HSD17B12: variants seen among roughly 807,000 people sequenced by gnomAD.
The protein encoded by HSD17B12 is hydroxysteroid 17-beta dehydrogenase 12, also known as very-long-chain 3-oxoacyl-CoA reductase.
A neutral mutation model predicts 39.3 loss-of-function variants in HSD17B12; 32 were observed. The observed-to-expected ratio is 0.81, with a 90% confidence interval of 0.61 to 1.09. The LOEUF (loss-of-function observed/expected upper bound fraction) is 1.09, where lower values mean the gene tolerates loss of function less well. Among genes scored for constraint, HSD17B12 ranks in the 50% least tolerant of loss-of-function variants. HSD17B12 has a pLI of 0.00. For missense variants in HSD17B12, 342 were observed against 382.9 expected, an observed-to-expected ratio of 0.89 and a Z score of 0.89; for synonymous variants, 150 against 146.7, an observed-to-expected ratio of 1.02 and a Z score of -0.16.
chr11:43,746,784 C>T (rs957384112), intron 1 of HSD17B12, among the ~76,000 whole-genome samples: 3 of 152,174 alleles, frequency 2.0e-5, no homozygotes, highest in Non-Finnish European at 4.4e-5. Context: ...AGCATGACCA[C>T]AAACACGTGA....
intron 3 of HSD17B12, among the ~76,000 whole-genome samples, chr11:43,777,217 A>G (rs1363581120): frequency 1.3e-5 from 2 of 152,192 alleles, no homozygotes; most frequent in Non-Finnish European, 2.9e-5. Flanking sequence ...TTTTCACGAT[A>G]TTGGTTCTTC....
At chr11:43,779,091 T>A (rs1950739361) in intron 3 of HSD17B12, among the ~76,000 whole-genome samples, 3 of 152,222 alleles carry the variant, frequency 2.0e-5, no homozygotes, top group African/African-American at 7.2e-5. Context: ...TCAAATATTT[T>A]GACCTTCAAA....
chr11:43,786,772 C>A (rs771384498), intron 3 of HSD17B12, among the ~76,000 whole-genome samples: 2 of 152,142 alleles, frequency 1.3e-5, no homozygotes, highest in Non-Finnish European at 2.9e-5. Flanking sequence ...CCAGTAAGTT[C>A]TTGTACAGAT....
the HSD17B12 span, chr11:43,559,572 A>C: frequency 6.4e-6 from 1 of 155,800 alleles, no homozygotes; most frequent in Non-Finnish European, 1.5e-5. Flanking sequence ...AGCCCACGTC[A>C]GCTCATGAGC....
At chr11:43,841,029 C>T (rs1263897247) in intron 9 of HSD17B12, among the ~76,000 whole-genome samples, 4 of 152,110 alleles carry the variant, frequency 2.6e-5, no homozygotes, top group Non-Finnish European at 4.4e-5. Flanking sequence ...TTCACCAACA[C>T]TTGTTATTTT....
chr11:43,599,274 G>A, the HSD17B12 span, among the ~76,000 whole-genome samples: 15 of 152,066 alleles, frequency 9.9e-5, no homozygotes, highest in African/African-American at 3.4e-4. Flanking sequence ...TAGGAAATCA[G>A]AATGCCTGGA....
upstream of HSD17B12, among the ~76,000 whole-genome samples, chr11:43,678,530 T>C (rs1021709052): frequency 2.0e-5 from 3 of 152,244 alleles, no homozygotes; most frequent in African/African-American, 7.2e-5. Flanking sequence ...CTGAATGGTA[T>C]TGCCTAGGTT....
chr11:43,823,940 G>A (rs1951207636), intron 6 of HSD17B12, among the ~76,000 whole-genome samples: 2 of 152,190 alleles, frequency 1.3e-5, no homozygotes, highest in African/African-American at 4.8e-5. Flanking sequence ...GAGGCGGAAG[G>A]TGAGTATCCT....
intron 3 of HSD17B12, among the ~76,000 whole-genome samples, chr11:43,767,121 A>G (rs117230862): frequency 0.038 from 5,771 of 152,002 alleles, 151 homozygotes; most frequent in Non-Finnish European, 0.054. Context: ...ACCTCTCAAC[A>G]TATTTGCCTA....
the HSD17B12 span, among the ~76,000 whole-genome samples, chr11:43,568,092 TTTTA>T: frequency 2.0e-5 from 3 of 152,008 alleles, no homozygotes; most frequent in Non-Finnish European, 2.9e-5. Context: ...ATTCTTTTAA[TTTTA>T]TTTATTTATT....
intron 2 of HSD17B12, among the ~76,000 whole-genome samples, chr11:43,751,439 T>G (rs575152379): frequency 6.6e-6 from 1 of 152,284 alleles, no homozygotes; most frequent in East Asian, 1.9e-4. Flanking sequence ...GAGAGCATCA[T>G]AGTTTGAAGA....
the HSD17B12 span, among the ~76,000 whole-genome samples, chr11:43,609,232 A>G: frequency 6.6e-6 from 1 of 151,468 alleles, no homozygotes; most frequent in Non-Finnish European, 1.5e-5. Flanking sequence ...GAGCCACCAC[A>G]CCCAACATGC....
chr11:43,707,652 G>A (rs1022620310), intron 1 of HSD17B12, among the ~76,000 whole-genome samples: 4 of 152,188 alleles, frequency 2.6e-5, no homozygotes, highest in African/African-American at 9.7e-5. Context: ...CCATTGAATT[G>A]TGTAGAATTA....
intron 1 of HSD17B12, among the ~76,000 whole-genome samples, chr11:43,717,616 C>A (rs1439308281): frequency 2.3e-4 from 35 of 152,070 alleles, no homozygotes; most frequent in Admixed American, 2.3e-3. Flanking sequence ...ATGTCTGGGG[C>A]CTTGATACTA....
At chr11:43,661,243 A>G in the HSD17B12 span, among the ~76,000 whole-genome samples, 35 of 152,332 alleles carry the variant, frequency 2.3e-4, no homozygotes, top group African/African-American at 8.2e-4. Flanking sequence ...TTCCACTTAT[A>G]TGCATTTCTA....
the HSD17B12 span, among the ~76,000 whole-genome samples, chr11:43,594,334 TGGAG>T: frequency 4.6e-5 from 7 of 152,064 alleles, no homozygotes; most frequent in Non-Finnish European, 1.0e-4. Context: ...TATACAGATT[TGGAG>T]GGAAAGATTC....
In HSD17B12 at chr11:43,762,454, C is replaced by T. The variant is rs141901670; in HGVS notation, c.283+8333C>T. 4.6e-5 allele frequency among the ~76,000 whole-genome samples: 7 copies of T among 152,234 alleles called. No individual in the cohort carries two copies. The East Asian group carries it at 9.7e-4, about 21-fold the overall frequency. ...TAATAGCCAAGAGTCCAGATACAGCCCTTGCTGAGGCTAATTAGTCTTTTG... is the reference window on the plus strand; with the variant it reads ...TAATAGCCAAGAGTCCAGATACAGCTCTTGCTGAGGCTAATTAGTCTTTTG... On this transcript the variant is annotated intron_variant, in intron 3 of 10. Coordinates refer to ENST00000278353, the MANE Select transcript of HSD17B12 (RefSeq NM_016142.3).
At chr11:43,845,235 T>C (rs1440188626) in intron 9 of HSD17B12, among the ~76,000 whole-genome samples, 4 of 152,218 alleles carry the variant, frequency 2.6e-5, no homozygotes, top group Admixed American at 2.6e-4. Context: ...TCTCCCGCAT[T>C]GGCTTCCCAA....
At chr11:43,595,404 G>A in the HSD17B12 span, among the ~76,000 whole-genome samples, 1 of 152,250 alleles carries the variant, frequency 6.6e-6, no homozygotes, top group Non-Finnish European at 1.5e-5. Context: ...TATACTTTCA[G>A]TGATTATCTG....
Sources: allele counts gnomAD v4.1 joint callset (sites outside exome capture counted in the v4.1 genomes callset), GRCh38; gene constraint gnomAD v4.1.1; transcripts MANE v1.5; gene names NCBI Gene and HGNC (gene_info 2026-07-23, HGNC 2026-07-21).